XRN1: variants seen among roughly 807,000 people sequenced by gnomAD.
XRN1 encodes 5'-3' exoribonuclease 1.
XRN1 carries 67 observed loss-of-function variants against 222.3 expected under a neutral mutation model. The observed-to-expected ratio is 0.30, with a 90% CI of 0.25 to 0.37. The LOEUF (loss-of-function observed/expected upper bound fraction) is 0.37, where lower values mean the gene tolerates loss of function less well. XRN1 is among the 10% of genes least tolerant of loss of function. The pLI, the probability that XRN1 is intolerant of heterozygous loss-of-function variation, is 1.00. For missense variants in XRN1, 1,707 were observed against 2,000.2 expected, an observed-to-expected ratio of 0.85 and a Z score of 2.80; for synonymous variants, 643 against 652.4, an observed-to-expected ratio of 0.99 and a Z score of 0.22.
chr3:142,363,532 G>A (rs952980249), intron 29 of XRN1, among the ~76,000 whole-genome samples: 2 of 150,510 alleles, frequency 1.3e-5, no homozygotes, highest in Middle Eastern at 3.2e-3. Context: ...AATTCACACC[G>A]TTTTTCAGTG....
rs375110604 is a variant in XRN1 at position 142,428,831 on chromosome 3, T to C, written c.309-1990A>G. ...CCAAAAGGAGACATTTAGTAGGCAT[T>C]TGGATATATAGGAGCTTAGGAGAAA... On this transcript the variant is annotated intron_variant, in intron 2 of 40. Transcript: ENST00000392981. Among the ~76,000 whole-genome samples, 5 of 152,288 alleles carry C rather than the reference T, an allele frequency of 3.3e-5. No homozygotes were observed. In the South Asian group the frequency reaches 6.2e-4, roughly 19 times the overall value.
chr3:142,315,481 T>C (rs566582625), intron 39 of XRN1, among the ~76,000 whole-genome samples: 1 of 151,718 alleles, frequency 6.6e-6, no homozygotes, highest in South Asian at 2.1e-4. Flanking sequence ...AAATACTACA[T>C]ATACATTGTA....
intron 32 of XRN1, 41 bp downstream of exon 32, chr3:142,355,360 T>TTTC (rs2066436960): frequency 8.8e-7 from 1 of 1,136,914 alleles, no homozygotes; most frequent in South Asian, 2.2e-5. Context: ...AAAAATATAT[T>TTTC]TTCTTTAAAT....
At position 142,375,884 on chromosome 3, in the gene XRN1, CT is replaced by C; in HGVS notation, c.2891del (p.Glu964GlyfsTer28). The C allele has an allele frequency of 6.2e-7, 1 of 1,613,796 alleles. No individual in the cohort carries two copies. The highest frequency in any genetic ancestry group is 8.5e-7 in the Non-Finnish European group (1 of 1,179,944). ...CTTTCTTAGTATATCCAGGTACCTCCTCATTTTTCTTGTTGAATTTGAGATT... is the reference window on the plus strand; with the variant it reads ...CTTTCTTAGTATATCCAGGTACCTCCCATTTTTCTTGTTGAATTTGAGATT... The part of the protein sequence containing the change: ...GLNLKFNKKN[E>X]EVPGYTKKVG... On this transcript the variant is annotated frameshift_variant, in exon 25 of 41. Coordinates refer to ENST00000392981, the MANE Select transcript of XRN1 (RefSeq NM_001282857.2). LOFTEE classifies it high-confidence loss of function.
chr3:142,373,193 C>T (rs1577316620), intron 25 of XRN1, among the ~76,000 whole-genome samples: 2 of 151,740 alleles, frequency 1.3e-5, no homozygotes, highest in East Asian at 3.9e-4. Context: ...GAACAAGATG[C>T]TATATATAGC....
At chr3:142,430,234 T>C (rs1405292220) in intron 2 of XRN1, among the ~76,000 whole-genome samples, 4 of 152,218 alleles carry the variant, frequency 2.6e-5, no homozygotes, top group Non-Finnish European at 2.9e-5. Flanking sequence ...CTTTTGGCTT[T>C]ACAGTGATTT....
intron 18 of XRN1, among the ~76,000 whole-genome samples, chr3:142,401,937 C>T (rs140427270): frequency 1.3e-3 from 192 of 152,266 alleles, no homozygotes; most frequent in African/African-American, 4.5e-3. Context: ...ACATCCTCTG[C>T]TCCATGCTTC....
chr3:142,382,699 G>A (rs1333530200), intron 22 of XRN1, among the ~76,000 whole-genome samples: 2 of 152,088 alleles, frequency 1.3e-5, no homozygotes, highest in East Asian at 3.8e-4. Context: ...GGTGGTACAT[G>A]TGCTCATTGT....
intron 20 of XRN1, among the ~76,000 whole-genome samples, chr3:142,393,157 C>A (rs2067798617): frequency 6.8e-6 from 1 of 146,192 alleles, no homozygotes; most frequent in Non-Finnish European, 1.5e-5. Context: ...CCTTCGCCCA[C>A]TTTTTGATGG....
At chr3:142,338,299 T>C (rs1232910682) in intron 33 of XRN1, among the ~76,000 whole-genome samples, 1 of 152,146 alleles carries the variant, frequency 6.6e-6, no homozygotes, top group Non-Finnish European at 1.5e-5. Context: ...GTCAGAGTCA[T>C]GAGACCCCAT....
intron 37 of XRN1, among the ~76,000 whole-genome samples, chr3:142,328,713 A>AAG (rs1348260350): frequency 5.7e-3 from 7 of 1,234 alleles, no homozygotes; most frequent in Non-Finnish European, 0.011. Context: ...TTATATATAT[A>AAG]TATATATATA....
intron 23 of XRN1, 135 bp downstream of exon 23, chr3:142,379,947 G>T (rs2067252926): frequency 3.0e-6 from 2 of 666,174 alleles, no homozygotes; most frequent in Admixed American, 3.1e-5. Context: ...TTAAATACCA[G>T]ATGCAACTGG....
intron 22 of XRN1, among the ~76,000 whole-genome samples, chr3:142,382,393 T>C (rs2067335272): frequency 1.3e-5 from 2 of 152,328 alleles, no homozygotes; most frequent in Admixed American, 1.3e-4. Context: ...ATCTTTTTAC[T>C]GTCACTACGG....
chr3:142,327,558 TC>T (rs1476724642), intron 37 of XRN1, among the ~76,000 whole-genome samples: 2 of 152,060 alleles, frequency 1.3e-5, no homozygotes, highest in Non-Finnish European at 2.9e-5. Flanking sequence ...TTTTCTTTCA[TC>T]CATCTTTTGT....
At chr3:142,443,677 CA>C (rs1331402476) in intron 1 of XRN1, among the ~76,000 whole-genome samples, 3 of 152,174 alleles carry the variant, frequency 2.0e-5, no homozygotes, top group African/African-American at 7.2e-5. Context: ...CAAACAAAAA[CA>C]AACTAAAAAT....
At chr3:142,395,463 C>T (rs1482763360) in intron 20 of XRN1, among the ~76,000 whole-genome samples, 6 of 152,192 alleles carry the variant, frequency 3.9e-5, no homozygotes, top group Admixed American at 2.6e-4. Flanking sequence ...TCTGCATTGA[C>T]GACTCTCTCT....
intron 30 of XRN1, among the ~76,000 whole-genome samples, chr3:142,357,979 A>G (rs1426810216): frequency 6.6e-6 from 1 of 152,170 alleles, no homozygotes; most frequent in African/African-American, 2.4e-5. Flanking sequence ...TGCAGGCTGC[A>G]GTGAGCCAAG....
At chr3:142,358,230 T>C (rs1012857397) in intron 30 of XRN1, among the ~76,000 whole-genome samples, 14 of 152,158 alleles carry the variant, frequency 9.2e-5, no homozygotes, top group African/African-American at 2.9e-4. Context: ...CTTTTTTCCC[T>C]CATTTTCCCA....
chr3:142,446,045 A>T (rs565732305), intron 1 of XRN1, among the ~76,000 whole-genome samples: 1 of 152,098 alleles, frequency 6.6e-6, no homozygotes, highest in African/African-American at 2.4e-5. Flanking sequence ...TTATGTTTTG[A>T]GTTTCATGGG....
Sources: gnomAD v4.1 joint callset for allele counts (sites outside exome capture counted in the v4.1 genomes callset) on GRCh38, gnomAD v4.1.1 for gene constraint, MANE v1.5 for transcripts, NCBI Gene and HGNC (gene_info 2026-07-23, HGNC 2026-07-21) for gene names.